Variants in DUOX1 observed in about 807,000 individuals in gnomAD.
DUOX1 encodes the protein dual oxidase 1, also known as NADPH thyroid oxidase 1.
A neutral mutation model predicts 181.8 loss-of-function variants in DUOX1; 134 were observed. That is an observed-to-expected ratio of 0.74 (90% CI 0.64 to 0.85). The LOEUF is 0.85. Among genes scored for constraint, DUOX1 ranks in the 40% least tolerant of loss-of-function variants. The pLI, the probability that DUOX1 is intolerant of heterozygous loss-of-function variation, is 0.00. For synonymous variants in DUOX1, 798 were observed against 832.5 expected (o/e 0.96, Z 0.71); for missense variants, 1,814 against 2,064.4 (o/e 0.88, Z 2.35).
rs773444369 is a variant in DUOX1 at position 45,163,847 on chromosome 15, C to T, written c.4462C>T (p.Arg1488Cys). 3.8e-5 allele frequency: 61 copies of T among 1,614,034 alleles called. No homozygotes were observed. The highest frequency in any genetic ancestry group is 4.8e-5 in the Non-Finnish European group (57 of 1,180,020). ...GAACCGGAGTCTATTCACAGGCCTG[C>T]GCTCCATCACCCACTTTGGCCGTCC... ...VLNRSLFTGL[R>C]SITHFGRPPF... The change falls in exon 33 of 34, where the codon CGC becomes TGC. Residue 1488 changes from arginine (R) to cysteine (C), a missense_variant. Coordinates refer to ENST00000389037, the MANE Select transcript of DUOX1 (RefSeq NM_175940.3).
chr15:45,158,754 G>T (rs1897026698), intron 28 of DUOX1, among the ~76,000 whole-genome samples: 1 of 148,224 alleles, frequency 6.7e-6, no homozygotes, highest in East Asian at 2.0e-4. Flanking sequence ...ATCTGTGGAG[G>T]GTCTTTTATG....
intron 15 of DUOX1, 69 bp from the exon 16 acceptor site, chr15:45,143,121 C>T (rs1293428397): frequency 1.6e-6 from 2 of 1,212,630 alleles, no homozygotes; most frequent in Non-Finnish European, 2.4e-6. Context: ...AGGTAAGGAG[C>T]TGAGAAAGGA....
intron 1 of DUOX1, among the ~76,000 whole-genome samples, chr15:45,130,605 C>T (rs985504393): frequency 8.5e-5 from 13 of 152,200 alleles, no homozygotes; most frequent in African/African-American, 2.9e-4. Flanking sequence ...ACTGCCCTGT[C>T]CTGGGCAACC....
In DUOX1 at chr15:45,148,186, G is replaced by A. The variant is rs546915995; in HGVS notation, c.2643-86G>A. 2.5e-6 allele frequency: 4 copies of A among 1,590,902 alleles called. No homozygotes were observed. The African/African-American group carries it at 4.0e-5, about 16-fold the overall frequency. On this transcript the variant is annotated intron_variant, in intron 20 of 33. Transcript: ENST00000389037. ...CGGGGCCCCTCCACATGGGCACAGA[G>A]AACTTGGTGCGATGGAGTCAGTGTG...
At chr15:45,154,602 T>TTTG (rs1231554866) in intron 27 of DUOX1, among the ~76,000 whole-genome samples, 3 of 151,700 alleles carry the variant, frequency 2.0e-5, no homozygotes, top group Middle Eastern at 3.4e-3. Flanking sequence ...ATGGTTTTTT[T>TTTG]TTTTTTTTTA....
chr15:45,144,651 T>C (rs1474956987), intron 17 of DUOX1, among the ~76,000 whole-genome samples: 1 of 152,236 alleles, frequency 6.6e-6, no homozygotes, highest in African/African-American at 2.4e-5. Flanking sequence ...CTTCCTGCCC[T>C]CCTCTGCCTT....
Position 45,141,002 on chromosome 15 carries a change from C to A in DUOX1, c.1497C>A (p.Thr499=), listed in dbSNP as rs201302471. ...SHRDPGPLFS[T]IVLEQFVRLR... The stretch of plus-strand genomic sequence containing the variant: ...GGGACCCTGGACCTCTGTTCAGCAC[C>A]ATCGTCCTTGAACAATTTGTGCGGC... The change falls in exon 13 of 34, where the codon ACC becomes ACA. Residue 499 remains threonine, a synonymous_variant. Coordinates refer to ENST00000389037, the MANE Select transcript of DUOX1 (RefSeq NM_175940.3). 8.9e-5 allele frequency: 144 copies of A among 1,614,220 alleles called. 2 individuals are homozygous for A. In the Admixed American group the frequency reaches 2.4e-3, roughly 27 times the overall value.
rs1421451156 is a variant in DUOX1, at chr15:45,152,023, C to G, written c.3164C>G (p.Ala1055Gly). ...IGCVAVFYAIAGGLFLERAYY... is the reference protein window; with the variant it reads ...IGCVAVFYAIGGGLFLERAYY... ...TGCGTGGCCGTGTTCTACGCCATCGCTGGGGGGCTTTTCCTGGAGAGGGCC... is the reference window on the plus strand; with the variant it reads ...TGCGTGGCCGTGTTCTACGCCATCGGTGGGGGGCTTTTCCTGGAGAGGGCC... The change falls in exon 24 of 34, where the codon GCT (alanine) becomes GGT (glycine). Residue 1055 changes from alanine to glycine, a missense_variant. Physicochemically the swap from Ala to Gly is moderately conservative, Grantham distance 60. Around this residue, in one of 5 missense-constraint regions of DUOX1, gnomAD observed 1,064 missense variants for 1,152.9 expected, o/e 0.92. Coordinates refer to ENST00000389037, the MANE Select transcript of DUOX1 (RefSeq NM_175940.3). The G allele has an allele frequency of 6.2e-7, 1 of 1,614,004 alleles. No homozygotes were observed. The highest frequency in any genetic ancestry group is 1.3e-5 in the African/African-American group (1 of 74,932).
chr15:45,147,980 G>A lies in DUOX1; in HGVS notation c.2625G>A (p.Glu875=), dbSNP rs1158215196. Residue 875 remains glutamate (E), a synonymous_variant, in exon 20 of 34, where the codon GAG becomes GAA. Transcript: ENST00000389037. ...FDGNGLISKD[E]FIRMLRSFIE... The stretch of plus-strand genomic sequence containing the variant: ...GGAATGGCCTCATTTCCAAGGATGA[G>A]TTCATCAGGATGCTGAGGTTTGTTC... 1.2e-6 allele frequency: 2 copies of A among 1,614,044 alleles called. No homozygotes were observed. The highest frequency in any genetic ancestry group is 2.7e-5 in the African/African-American group (2 of 75,064).
At chr15:45,161,447 A>G (rs1252269842) in intron 29 of DUOX1, among the ~76,000 whole-genome samples, 661 of 86,964 alleles carry the variant, frequency 7.6e-3, no homozygotes, top group Non-Finnish European at 9.0e-3. Context: ...AAAAGGAAGG[A>G]GGGAGGGAGG....
chr15:45,150,285 A>C, intron 21 of DUOX1: 1 of 244,782 alleles, frequency 4.1e-6, no homozygotes, highest in Non-Finnish European at 7.9e-6. Flanking sequence ...GTTTTAAGCT[A>C]GAGGATCTTA....
rs1397004268 is a variant in DUOX1, at chr15:45,161,463, A to AG, written c.3857-273dup. On this transcript the variant is annotated intron_variant, in intron 29 of 33. Coordinates refer to ENST00000389037, the MANE Select transcript of DUOX1 (RefSeq NM_175940.3). ...AAAGGAAGGAGGGAGGGAGGGAGGGAGGAAGGAAGGAAGGAAAGGAAAGGA... is the reference window on the plus strand; with the variant it reads ...AAAGGAAGGAGGGAGGGAGGGAGGGAGGGAAGGAAGGAAGGAAAGGAAAGGA... 2.2e-3 allele frequency among the ~76,000 whole-genome samples: 285 copies of AG among 127,184 alleles called. 3 individuals are homozygous for AG. The highest frequency in any genetic ancestry group is 2.3e-3 in the Non-Finnish European group (141 of 60,782). 83.4% of individuals were successfully genotyped at this position (127,184 alleles called of 152,430 possible). A position where few individuals can be genotyped will look rare whatever the true frequency, so the allele number is the denominator to read the frequency against.
chr15:45,131,903 C>A lies in DUOX1; in HGVS notation c.-49-15C>A. On this transcript the variant is annotated splice_polypyrimidine_tract_variant and intron_variant, in intron 1 of 33. Transcript: ENST00000389037. Reference sequence around the variant, plus strand: ...CTGAGTAGCTGGGGCTCATTCTTTGCCTGTCTTTTTCTAGGGTCTCCATTT... The same window carrying A: ...CTGAGTAGCTGGGGCTCATTCTTTGACTGTCTTTTTCTAGGGTCTCCATTT... The A allele has an allele frequency of 6.5e-7, 1 of 1,543,734 alleles. No homozygotes were observed. Among genetic ancestry groups the A allele is most frequent in the Non-Finnish European group, 9.0e-7 (1 of 1,116,488 alleles).
rs542755829 is a variant in DUOX1 at position 45,161,295 on chromosome 15, T to C, written c.3856+305T>C. ...TTAGCTGGGTGTGGTGGCATGCACC[T>C]GTAGTCCCAGCTACTCAGGAGGCTG... On this transcript the variant is annotated intron_variant, in intron 29 of 33. Transcript: ENST00000389037. Among the ~76,000 whole-genome samples, 295 of 151,070 alleles carry C rather than the reference T, an allele frequency of 2.0e-3. 5 individuals are homozygous for C. The highest frequency in any genetic ancestry group is 6.8e-3 in the African/African-American group (278 of 41,182).
Position 45,135,250 on chromosome 15 carries a change from G to A in DUOX1, c.454G>A (p.Asp152Asn), listed in dbSNP as rs1191767575. The change falls in exon 5 of 34, where the codon GAC becomes AAC. Residue 152 changes from aspartate (D) to asparagine (N), a missense_variant. This residue lies in a region of DUOX1 where 320 missense variants were observed against 313.1 expected (regional missense o/e 1.02). Transcript: ENST00000389037. ...VVLPFQRSRW[D>N]PETGRSPSNP... ...GCTGCCCTTCCAGAGAAGCCGCTGGGACCCCGAGACCGGACGGAGTCCCAG... is the reference window on the plus strand; with the variant it reads ...GCTGCCCTTCCAGAGAAGCCGCTGGAACCCCGAGACCGGACGGAGTCCCAG... 3.1e-6 allele frequency: 5 copies of A among 1,613,060 alleles called. No individual in the cohort carries two copies. In the African/African-American group the frequency reaches 4.0e-5, roughly 13 times the overall value.
intron 28 of DUOX1, among the ~76,000 whole-genome samples, chr15:45,156,166 A>C (rs1448152699): frequency 2.0e-5 from 3 of 152,196 alleles, no homozygotes; most frequent in Non-Finnish European, 4.4e-5. Context: ...CAGCCCTGCC[A>C]GACTGATCTC....
At chr15:45,143,906 T>C in intron 16 of DUOX1, 130 bp from the exon 17 acceptor site, 2 of 828,840 alleles carry the variant, frequency 2.4e-6, no homozygotes, top group Non-Finnish European at 1.9e-6. Flanking sequence ...AGGGAATGAC[T>C]CTCAGTACCC....
chr15:45,162,491 C>A (rs1897134636), intron 31 of DUOX1, 114 bp downstream of exon 31: 2 of 1,420,028 alleles, frequency 1.4e-6, no homozygotes, highest in Non-Finnish European at 1.9e-6. Flanking sequence ...TGGGCAGGGG[C>A]AAGTTGGTTT....
At position 45,135,533 on chromosome 15, in the gene DUOX1, G is replaced by T. The variant is rs1316755518; in HGVS notation, c.555G>T (p.Trp185Cys). Residue 185 changes from tryptophan (W) to cysteine (C), a missense_variant, in exon 6 of 34, where the codon TGG becomes TGT. Physicochemically the swap from Trp to Cys is radical, Grantham distance 215. Around this residue, in one of 5 missense-constraint regions of DUOX1, gnomAD observed 320 missense variants for 313.1 expected, o/e 1.02. Transcript: ENST00000389037. ...CCATCTATGGTTCCTCGCATTCCTG[G>T]AGCGACGCGCTGCGGAGCTTCTCCA... The part of the protein sequence containing the change: ...GSAIYGSSHS[W>C]SDALRSFSRG... The T allele has an allele frequency of 4.5e-6, 7 of 1,559,714 alleles. 1 individual carries two copies. The highest frequency in any genetic ancestry group is 6.1e-6 in the Non-Finnish European group (7 of 1,153,396).
Sources: allele counts gnomAD v4.1 joint callset (sites outside exome capture counted in the v4.1 genomes callset), GRCh38; gene constraint gnomAD v4.1.1; regional missense constraint gnomAD v4.1.1; transcripts MANE v1.5; gene names NCBI Gene and HGNC (gene_info 2026-07-23, HGNC 2026-07-21).